Variants in SLC6A11 observed in about 807,000 individuals in gnomAD.
SLC6A11 encodes solute carrier family 6 member 11.
In SLC6A11, 25 loss-of-function variants were observed where a neutral mutation model predicts 74.8. The observed-to-expected ratio is 0.33, with a 90% CI of 0.24 to 0.47. The LOEUF (loss-of-function observed/expected upper bound fraction) is 0.47, where lower values mean the gene tolerates loss of function less well. SLC6A11 is among the 20% of genes least tolerant of loss of function. SLC6A11 has a pLI of 1.00. For missense variants in SLC6A11, 574 were observed against 837.0 expected (o/e 0.69, Z 3.88); for synonymous variants, 330 against 330.2 (o/e 1.00, Z 0.01).
At chr3:10,927,419 T>G (rs949887717) in intron 9 of SLC6A11, among the ~76,000 whole-genome samples, 1 of 152,216 alleles carries the variant, frequency 6.6e-6, no homozygotes, top group African/African-American at 2.4e-5. Context: ...GCTGTGTGCC[T>G]TGGATATATT....
intron 3 of SLC6A11, 39 bp from the exon 4 acceptor site, chr3:10,823,263 A>C: frequency 6.9e-7 from 1 of 1,457,832 alleles, no homozygotes; most frequent in Non-Finnish European, 9.6e-7. Context: ...TTTCATGGAG[A>C]TTAATTTTCT....
rs1436579297 is a variant in SLC6A11, at chr3:10,918,308, C to T, written c.996-21C>T. Reference sequence around the variant, plus strand: ...GGTTCTGCCCGCTCTGACCCTAGTGCCTCTCGCTGCTTCCCCACAGGGACT... The same window carrying T: ...GGTTCTGCCCGCTCTGACCCTAGTGTCTCTCGCTGCTTCCCCACAGGGACT... On this transcript the variant is annotated intron_variant, in intron 7 of 13. Coordinates refer to ENST00000254488, the MANE Select transcript of SLC6A11 (RefSeq NM_014229.3). The surrounding 1 kb of genome is among the most constrained non-coding windows in gnomAD (Gnocchi z 4.5). The T allele has an allele frequency of 1.3e-6, 2 of 1,569,668 alleles. No homozygotes were observed. The highest frequency in any genetic ancestry group is 1.2e-5 in the South Asian group (1 of 84,978).
chr3:10,927,202 C>T (rs1695619811), intron 9 of SLC6A11, among the ~76,000 whole-genome samples: 2 of 152,164 alleles, frequency 1.3e-5, no homozygotes, highest in South Asian at 4.1e-4. Flanking sequence ...ATAATCTTCC[C>T]TTATTGTTGC....
intron 4 of SLC6A11, among the ~76,000 whole-genome samples, chr3:10,842,516 A>T (rs1269420673): frequency 6.6e-6 from 1 of 152,204 alleles, no homozygotes; most frequent in Non-Finnish European, 1.5e-5. Flanking sequence ...CTGTAGTTTT[A>T]AAATGAATTA....
chr3:10,878,293 TGGCCTTTCTACCCCAG>T (rs372662386), intron 6 of SLC6A11, among the ~76,000 whole-genome samples: 7,360 of 152,122 alleles, frequency 0.048, 252 homozygotes, highest in Non-Finnish European at 0.072. Context: ...CCAGTAGACA[TGGCCTTTCTACCCCAG>T]GGCCTTCACA....
In SLC6A11 at chr3:10,929,223, GT is replaced by G; in HGVS notation, c.1256del (p.Val419GlyfsTer23). 6.2e-7 allele frequency: 1 copy of G among 1,614,136 alleles called. No homozygotes were observed. The highest frequency in any genetic ancestry group is 8.5e-7 in the Non-Finnish European group (1 of 1,180,018). On this transcript the variant is annotated frameshift_variant, in exon 10 of 14. Coordinates refer to ENST00000254488, the MANE Select transcript of SLC6A11 (RefSeq NM_014229.3). LOFTEE classifies it high-confidence loss of function. Reference sequence around the variant, plus strand: ...CCAGTTTGTGTGTGTGGAAAGCCTGGTGACCGCCGTGGTGGACATGTACCCC... The same window carrying G: ...CCAGTTTGTGTGTGTGGAAAGCCTGGGACCGCCGTGGTGGACATGTACCCC... ...DSQFVCVESL[V>X]TAVVDMYPKV...
intron 7 of SLC6A11, among the ~76,000 whole-genome samples, chr3:10,917,230 A>G (rs1406568142): frequency 3.9e-5 from 6 of 152,212 alleles, no homozygotes; most frequent in African/African-American, 1.4e-4. Context: ...GGTAAAGCTA[A>G]CTTTATCAGA....
chr3:10,935,449 T>A (rs1206002394), intron 13 of SLC6A11: 1 of 472,468 alleles, frequency 2.1e-6, no homozygotes, highest in African/African-American at 2.0e-5. Context: ...ATAACCACAG[T>A]ACCTAACTTA....
intron 6 of SLC6A11, among the ~76,000 whole-genome samples, chr3:10,890,937 G>A (rs1235324771): frequency 6.6e-6 from 1 of 152,222 alleles, no homozygotes; most frequent in Non-Finnish European, 1.5e-5. Flanking sequence ...CAAGAGCAGT[G>A]TGTAATCATA....
chr3:10,868,335 G>A (rs1429484657), intron 5 of SLC6A11, among the ~76,000 whole-genome samples: 1 of 152,164 alleles, frequency 6.6e-6, no homozygotes, highest in Non-Finnish European at 1.5e-5. Flanking sequence ...TACAATGTTT[G>A]TGGCATTCCA....
rs372425866 is a variant in SLC6A11, at chr3:10,894,819, A to C, written c.892-17271A>C. ...AAGTGTTCTTGCCACAAAAAAACCA[A>C]GGCAATGCATATGTTATTTAGCCTG... On this transcript the variant is annotated intron_variant, in intron 6 of 13. Coordinates refer to ENST00000254488, the MANE Select transcript of SLC6A11 (RefSeq NM_014229.3). Among the ~76,000 whole-genome samples, 10 of 152,372 alleles carry C rather than the reference A, an allele frequency of 6.6e-5. No individual in the cohort carries two copies. The East Asian group carries it at 1.9e-3, about 29-fold the overall frequency.
intron 2 of SLC6A11, 45 bp from the exon 3 acceptor site, chr3:10,819,667 T>G (rs1180425337): frequency 1.2e-6 from 2 of 1,611,016 alleles, no homozygotes; most frequent in Non-Finnish European, 1.7e-6. Context: ...GCAGATTGTT[T>G]TGAAAAGATA....
intron 3 of SLC6A11, among the ~76,000 whole-genome samples, chr3:10,822,701 C>T (rs768460775): frequency 6.6e-6 from 1 of 152,092 alleles, no homozygotes. Context: ...CTCCCTGGGA[C>T]ATCAAATTTC....
At chr3:10,858,008 C>G (rs1694658717) in intron 5 of SLC6A11, among the ~76,000 whole-genome samples, 1 of 152,204 alleles carries the variant, frequency 6.6e-6, no homozygotes, top group Admixed American at 6.5e-5. Context: ...CGATGCACCA[C>G]TGAATATTGT....
intron 8 of SLC6A11, among the ~76,000 whole-genome samples, chr3:10,923,022 G>A (rs1315964886): frequency 6.6e-6 from 1 of 152,016 alleles, no homozygotes; most frequent in Non-Finnish European, 1.5e-5. Context: ...AATAAGGAAA[G>A]GAGAGATGCT....
intron 5 of SLC6A11, among the ~76,000 whole-genome samples, chr3:10,862,036 C>G (rs1440069541): frequency 6.6e-6 from 1 of 152,156 alleles, no homozygotes; most frequent in Non-Finnish European, 1.5e-5. Flanking sequence ...TGGGATCCCT[C>G]CTCTCCACAA....
intron 3 of SLC6A11, among the ~76,000 whole-genome samples, chr3:10,821,124 C>T (rs1202615892): frequency 6.6e-6 from 1 of 152,102 alleles, no homozygotes; most frequent in African/African-American, 2.4e-5. Flanking sequence ...TCCCTTTGGC[C>T]AGGGAACTCA....
chr3:10,883,017 G>A (rs1343866605), intron 6 of SLC6A11, among the ~76,000 whole-genome samples: 3 of 152,030 alleles, frequency 2.0e-5, no homozygotes, highest in South Asian at 4.2e-4. Context: ...CCAGCTCTGG[G>A]CAGGACGAGT....
chr3:10,912,208 GGGCCCTGCC>G lies in SLC6A11; in HGVS notation c.995+16_995+24del. 1.3e-6 allele frequency: 2 copies of G among 1,552,824 alleles called. No homozygotes were observed. Among genetic ancestry groups the G allele is most frequent in the Non-Finnish European group, 1.8e-6 (2 of 1,124,502 alleles). On this transcript the variant is annotated intron_variant, in intron 7 of 13. Coordinates refer to ENST00000254488, the MANE Select transcript of SLC6A11 (RefSeq NM_014229.3). The stretch of plus-strand genomic sequence containing the variant: ...AACTGCTACAGGTGAGCATTTCCCT[GGGCCCTGCC>G]AGCTCTCCACCAAACCCTGAGAGCC...
Sources: allele counts gnomAD v4.1 joint callset (sites outside exome capture counted in the v4.1 genomes callset), GRCh38; gene constraint gnomAD v4.1.1; non-coding constraint Gnocchi (gnomAD v3.1); transcripts MANE v1.5; gene names NCBI Gene and HGNC (gene_info 2026-07-23, HGNC 2026-07-21).